PCLO: variants seen among roughly 807,000 people sequenced by gnomAD.
PCLO encodes the protein protein piccolo.
Under a neutral mutation model 427.5 loss-of-function variants are expected in PCLO, and 82 were observed. The ratio of observed to expected loss-of-function variants is 0.19; its 90% CI spans 0.16 to 0.23. The LOEUF (loss-of-function observed/expected upper bound fraction) is 0.23. Among genes scored for constraint, PCLO ranks in the 10% least tolerant of loss-of-function variants. The pLI, the probability that PCLO is intolerant of heterozygous loss-of-function variation, is 1.00. For missense variants in PCLO, 6,239 were observed against 6,115.9 expected (o/e 1.02, Z -0.67); for synonymous variants, 2,357 against 2,155.4 (o/e 1.09, Z -2.59).
intron 6 of PCLO, among the ~76,000 whole-genome samples, chr7:82,925,697 T>C (rs1794695804): frequency 6.8e-6 from 1 of 146,792 alleles, no homozygotes; most frequent in Non-Finnish European, 1.5e-5. Context: ...GTGCAAAAGC[T>C]CAAGAATTTT....
At chr7:82,942,063 C>A (rs1795099735) in intron 6 of PCLO, among the ~76,000 whole-genome samples, 1 of 152,142 alleles carries the variant, frequency 6.6e-6, no homozygotes, top group African/African-American at 2.4e-5. Flanking sequence ...CCTGTATTCC[C>A]AGCTATTCAG....
Position 82,954,599 on chromosome 7 carries a change from A to C in PCLO, c.6354T>G (p.Asp2118Glu). 6.2e-7 allele frequency: 1 copy of C among 1,613,936 alleles called. No homozygotes were observed. The highest frequency in any genetic ancestry group is 8.5e-7 in the Non-Finnish European group (1 of 1,179,870). The change falls in exon 5 of 25, where the codon GAT (aspartate) becomes GAG (glutamate). Residue 2118 changes from aspartate to glutamate, a missense_variant. Asp to Glu is a conservative substitution (Grantham distance 45). Coordinates refer to ENST00000333891, the MANE Select transcript of PCLO (RefSeq NM_033026.6). ...SSVLSGASLTDSTSSATLSIP... is the reference protein window; with the variant it reads ...SSVLSGASLTESTSSATLSIP... ...TAGAGAGTGTTGCACTGCTGGTCGA[A>C]TCTGTAAGAGACGCTCCTGAGAGAA...
At chr7:82,999,968 C>T (rs1274723479) in intron 3 of PCLO, among the ~76,000 whole-genome samples, 1 of 137,430 alleles carries the variant, frequency 7.3e-6, no homozygotes, top group African/African-American at 2.7e-5. Context: ...GCTGAGAATT[C>T]CTCCAAATTA....
rs1445242034 is a variant in PCLO at position 83,104,571 on chromosome 7, T to G, written c.3300+29679A>C. Among the ~76,000 whole-genome samples the G allele has an allele frequency of 2.0e-5, 3 of 152,068 alleles. No homozygotes were observed. The East Asian group carries it at 5.8e-4, about 29-fold the overall frequency. Reference sequence around the variant, plus strand: ...AAATAATTGTATCACCTGGCTATAGTAGCTACCTAACACTTGAAATTAATA... The same window carrying G: ...AAATAATTGTATCACCTGGCTATAGGAGCTACCTAACACTTGAAATTAATA... On this transcript the variant is annotated intron_variant, in intron 3 of 24. Coordinates refer to ENST00000333891, the MANE Select transcript of PCLO (RefSeq NM_033026.6).
At chr7:83,024,345 G>T (rs1446039182) in intron 3 of PCLO, among the ~76,000 whole-genome samples, 1 of 152,224 alleles carries the variant, frequency 6.6e-6, no homozygotes, top group Non-Finnish European at 1.5e-5. Context: ...AGGGGTGATG[G>T]ACGGCACCTG....
intron 6 of PCLO, among the ~76,000 whole-genome samples, chr7:82,922,970 T>G (rs1794632826): frequency 6.6e-6 from 1 of 152,048 alleles, no homozygotes; most frequent in African/African-American, 2.4e-5. Flanking sequence ...CAGGAAATAT[T>G]TGTATGCAGG....
At chr7:82,892,495 A>T (rs1793793822) in intron 9 of PCLO, among the ~76,000 whole-genome samples, 1 of 152,154 alleles carries the variant, frequency 6.6e-6, no homozygotes, top group Non-Finnish European at 1.5e-5. Flanking sequence ...CCTAGGCATT[A>T]CCATTCAGGA....
At chr7:83,063,570 T>G (rs977482174) in intron 3 of PCLO, among the ~76,000 whole-genome samples, 1 of 152,244 alleles carries the variant, frequency 6.6e-6, no homozygotes, top group South Asian at 2.1e-4. Context: ...GCAAGTTTTC[T>G]GAGTGTTTAG....
intron 3 of PCLO, among the ~76,000 whole-genome samples, chr7:82,967,197 C>CTTTTTTTT (rs766172385): frequency 2.3e-5 from 3 of 133,182 alleles, no homozygotes; most frequent in Non-Finnish European, 3.3e-5. Context: ...TTCTTCTTTT[C>CTTTTTTTT]TTTTTTTTTT....
chr7:82,828,182 A>AT (rs5885314), intron 16 of PCLO, among the ~76,000 whole-genome samples: 85,107 of 151,080 alleles, frequency 0.56, 24,911 homozygotes, highest in East Asian at 0.85. Flanking sequence ...TGCCCTTATG[A>AT]TTTTTTTTTA....
intron 3 of PCLO, among the ~76,000 whole-genome samples, chr7:83,085,175 A>G (rs1045757957): frequency 6.6e-6 from 1 of 152,150 alleles, no homozygotes; most frequent in African/African-American, 2.4e-5. Flanking sequence ...TAGTCTCTTT[A>G]TAATCCTGCA....
chr7:82,951,407 G>A lies in PCLO; in HGVS notation c.9181C>T (p.Pro3061Ser), dbSNP rs1158881241. 10 of 1,599,258 alleles carry A rather than the reference G, an allele frequency of 6.3e-6. No individual in the cohort carries two copies. The highest frequency in any genetic ancestry group is 2.3e-5 in the East Asian group (1 of 44,378). ...GTCATTCTTGCTGTGGAATACTGTG[G>A]GGTACTAATCCCAGCTCCTGAAATG... ...QVISGAGIST[P>S]QYSTARMTPP... The change falls in exon 6 of 25, where the codon CCA becomes TCA. Residue 3061 changes from proline to serine, a missense_variant. Physicochemically the swap from Pro to Ser is moderately conservative, Grantham distance 74. Around this residue, in one of 5 missense-constraint regions of PCLO, gnomAD observed 4,677 missense variants for 4,468.4 expected, o/e 1.05. Coordinates refer to ENST00000333891, the MANE Select transcript of PCLO (RefSeq NM_033026.6).
chr7:82,952,626 A>G lies in PCLO; in HGVS notation c.8327T>C (p.Ile2776Thr). 2 of 1,613,926 alleles carry G rather than the reference A, an allele frequency of 1.2e-6. No individual in the cohort carries two copies. The highest frequency in any genetic ancestry group is 2.2e-5 in the East Asian group (1 of 44,876). The change falls in exon 5 of 25, where the codon ATA (isoleucine) becomes ACA (threonine). Residue 2776 changes from isoleucine to threonine, a missense_variant. By Grantham distance (89) the Ile-to-Thr change is moderately conservative. Transcript: ENST00000333891. ...TATTGATGATGTCACACTAAGATTT[A>G]TAATAGAGGGTTGGACAGCACTAAT... Reference protein sequence around the residue: ...KQISAVQPSIINLSVTSSIVT... With the variant: ...KQISAVQPSITNLSVTSSIVT...
chr7:82,905,256 G>C (rs912579643), intron 8 of PCLO, among the ~76,000 whole-genome samples: 1 of 152,014 alleles, frequency 6.6e-6, no homozygotes, highest in African/African-American at 2.4e-5. Flanking sequence ...ATATTTCAAA[G>C]AGTTATTTTC....
chr7:83,078,519 CATT>C, intron 3 of PCLO, among the ~76,000 whole-genome samples: 1 of 150,358 alleles, frequency 6.7e-6, no homozygotes, highest in South Asian at 2.1e-4. Context: ...ATGTTGCTAG[CATT>C]ATTATTATTA....
intron 10 of PCLO, among the ~76,000 whole-genome samples, chr7:82,863,107 G>A (rs1357672940): frequency 6.6e-6 from 1 of 151,856 alleles, no homozygotes; most frequent in Non-Finnish European, 1.5e-5. Flanking sequence ...AACATCTCAT[G>A]TACCTCATAA....
At chr7:82,806,287 T>A (rs1354107147) in intron 20 of PCLO, among the ~76,000 whole-genome samples, 1 of 152,170 alleles carries the variant, frequency 6.6e-6, no homozygotes, top group African/African-American at 2.4e-5. Context: ...GTTTTTCTCC[T>A]TAGAAACAAA....
chr7:83,054,663 C>T (rs1789334692), intron 3 of PCLO, among the ~76,000 whole-genome samples: 1 of 151,926 alleles, frequency 6.6e-6, no homozygotes, highest in African/African-American at 2.4e-5. Context: ...TCATCAAGGT[C>T]AAAATTTACA....
At chr7:83,140,464 C>T (rs1584078113) in intron 2 of PCLO, among the ~76,000 whole-genome samples, 1 of 152,236 alleles carries the variant, frequency 6.6e-6, no homozygotes, top group East Asian at 1.9e-4. Context: ...CTGTATCTCC[C>T]CAGACTCAAA....
Sources: allele counts gnomAD v4.1 joint callset (sites outside exome capture counted in the v4.1 genomes callset), GRCh38; gene constraint gnomAD v4.1.1; regional missense constraint gnomAD v4.1.1; transcripts MANE v1.5; gene names NCBI Gene and HGNC (gene_info 2026-07-23, HGNC 2026-07-21).